The following CP variants were observed in gnomAD, a reference collection of about 807,000 sequenced individuals.
The protein encoded by CP is ceruloplasmin.
Under a neutral mutation model 122.4 loss-of-function variants are expected in CP, and 64 were observed. That is an observed-to-expected ratio of 0.52 (90% confidence interval 0.43 to 0.64). The LOEUF is 0.64. CP is among the 30% of genes least tolerant of loss of function. CP has a pLI of 0.00. For missense variants in CP, 1,167 were observed against 1,284.4 expected, an observed-to-expected ratio of 0.91 and a Z score of 1.40; for synonymous variants, 440 against 436.4, an observed-to-expected ratio of 1.01 and a Z score of -0.10.
intron 12 of CP, among the ~76,000 whole-genome samples, chr3:149,183,993 A>T (rs1400451096): frequency 1.4e-5 from 2 of 144,054 alleles, no homozygotes; most frequent in African/African-American, 5.1e-5. Context: ...ACTGAAATGG[A>T]CATCTTTTCC....
chr3:149,181,850 TACTTGC>T (rs1301695925), intron 14 of CP, among the ~76,000 whole-genome samples, 149 bp downstream of exon 14: 2 of 152,202 alleles, frequency 1.3e-5, no homozygotes, highest in African/African-American at 4.8e-5. Flanking sequence ...CATGTGCATG[TACTTGC>T]ATACACACAG....
intron 14 of CP, 31 bp downstream of exon 14, chr3:149,181,974 G>GCA: frequency 7.4e-7 from 1 of 1,356,690 alleles, no homozygotes; most frequent in Non-Finnish European, 1.0e-6. Context: ...CTGTTAAAAT[G>GCA]CACCACCCCC....
intron 2 of CP, 76 bp downstream of exon 2, chr3:149,212,375 G>A: frequency 2.0e-6 from 3 of 1,533,282 alleles, no homozygotes; most frequent in South Asian, 2.3e-5. Flanking sequence ...CAGGAGAGAA[G>A]TCCACAATTT....
chr3:149,198,435 T>C lies in CP; in HGVS notation c.1645A>G (p.Ile549Val), dbSNP rs1204975451. The C allele has an allele frequency of 6.2e-7, 1 of 1,613,420 alleles. No individual in the cohort carries two copies. The highest frequency in any genetic ancestry group is 1.7e-5 in the Admixed American group (1 of 60,030). Reference sequence around the variant, plus strand: ...ATTGGCCCAATAAGCCCAGTGAATATATCTTTAGTGGGTTCCACAGCAGAA... The same window carrying C: ...ATTGGCCCAATAAGCCCAGTGAATACATCTTTAGTGGGTTCCACAGCAGAA... The part of the protein sequence containing the change: ...YYSAVEPTKD[I>V]FTGLIGPMKI... The change falls in exon 9 of 19, where the codon ATA becomes GTA. Residue 549 changes from isoleucine (I) to valine (V), a missense_variant. By Grantham distance (29) the Ile-to-Val change is conservative. This residue lies in a region of CP where 525 missense variants were observed against 657.2 expected (regional missense o/e 0.80). Transcript: ENST00000264613.
chr3:149,202,294 G>A (rs953847980), intron 6 of CP, 53 bp from the exon 7 acceptor site: 6 of 1,612,274 alleles, frequency 3.7e-6, no homozygotes, highest in Non-Finnish European at 5.1e-6. Context: ...ACAGAAAGCA[G>A]GTATTCACTT....
intron 9 of CP, among the ~76,000 whole-genome samples, chr3:149,197,063 A>G (rs1156645636): frequency 6.7e-6 from 1 of 149,220 alleles, no homozygotes; most frequent in Non-Finnish European, 1.5e-5. Flanking sequence ...TGCGACCCCC[A>G]CTCCTGCCTG....
intron 12 of CP, among the ~76,000 whole-genome samples, chr3:149,183,842 A>C (rs1725951833): frequency 1.3e-5 from 2 of 151,962 alleles, no homozygotes; most frequent in African/African-American, 4.8e-5. Context: ...CCCTGCCACT[A>C]GTGAAAATTT....
chr3:149,178,784 A>T (rs1725588400), intron 15 of CP, among the ~76,000 whole-genome samples, 153 bp from the exon 16 acceptor site: 1 of 152,186 alleles, frequency 6.6e-6, no homozygotes, highest in African/African-American at 2.4e-5. Flanking sequence ...GTAACTTTTC[A>T]CTTGAAGTAG....
chr3:149,213,901 G>C (rs1257283809), intron 1 of CP, among the ~76,000 whole-genome samples: 2 of 152,160 alleles, frequency 1.3e-5, no homozygotes, highest in Non-Finnish European at 2.9e-5. Flanking sequence ...TTTTTCAAAA[G>C]TCTAAGGCCT....
chr3:149,215,495 A>G (rs1728410823), intron 1 of CP, among the ~76,000 whole-genome samples: 1 of 152,222 alleles, frequency 6.6e-6, no homozygotes, highest in African/African-American at 2.4e-5. Flanking sequence ...ACACATTGCA[A>G]TATGCAAACT....
At chr3:149,169,166 C>T (rs1724734217), downstream of CP, among the ~76,000 whole-genome samples, 1 of 152,028 alleles carries the variant, frequency 6.6e-6, no homozygotes, top group African/African-American at 2.4e-5. Context: ...CATTCCTCAC[C>T]AGCAATATGC....
intron 14 of CP, 31 bp downstream of exon 14, chr3:149,181,974 G>GGGGGGGGGGGC: frequency 3.7e-6 from 5 of 1,356,690 alleles, no homozygotes; most frequent in Non-Finnish European, 5.2e-6. Flanking sequence ...CTGTTAAAAT[G>GGGGGGGGGGGC]CACCACCCCC....
chr3:149,201,305 G>C (rs1424082714), intron 7 of CP, among the ~76,000 whole-genome samples: 1 of 151,754 alleles, frequency 6.6e-6, no homozygotes, highest in Non-Finnish European at 1.5e-5. Flanking sequence ...TGTATTTTTA[G>C]TAGAGACTGG....
downstream of CP, chr3:149,168,246 A>G (rs566668715): frequency 2.1e-4 from 87 of 410,608 alleles, no homozygotes; most frequent in African/African-American, 1.7e-3. Context: ...TGACAGCATC[A>G]GTGTTTTAAA....
chr3:149,183,357 C>T, intron 13 of CP, 109 bp downstream of exon 13: 1 of 1,159,366 alleles, frequency 8.6e-7, no homozygotes. Flanking sequence ...ATTTGAACAA[C>T]TTTGATATAT....
At chr3:149,162,608 A>T (rs1354148884) in exon 6 of CP, 2 of 1,384,926 alleles carry the variant, frequency 1.4e-6, no homozygotes, top group African/African-American at 2.8e-5. Flanking sequence ...GGCCCATGTG[A>T]TGCTGTGATA....
chr3:149,204,822 GACAA>G (rs1727593016), intron 6 of CP, among the ~76,000 whole-genome samples: 1 of 152,034 alleles, frequency 6.6e-6, no homozygotes, highest in Middle Eastern at 3.2e-3. Flanking sequence ...AGAAAAGGAA[GACAA>G]ACAGAAAGAA....
At chr3:149,185,942 G>A (rs1270886246) in intron 11 of CP, 1 of 174,846 alleles carries the variant, frequency 5.7e-6, no homozygotes, top group Non-Finnish European at 1.2e-5. Flanking sequence ...GCGTGACACT[G>A]GGGTGGTCTT....
intron 1 of CP, among the ~76,000 whole-genome samples, chr3:149,216,792 T>C (rs1485972974): frequency 1.3e-5 from 2 of 152,136 alleles, no homozygotes; most frequent in African/African-American, 4.8e-5. Context: ...AGGAACTTGA[T>C]AATAAATGGA....
Sources: allele counts gnomAD v4.1 joint callset (sites outside exome capture counted in the v4.1 genomes callset), GRCh38; gene constraint gnomAD v4.1.1; regional missense constraint gnomAD v4.1.1; transcripts MANE v1.5; gene names NCBI Gene and HGNC (gene_info 2026-07-23, HGNC 2026-07-21).